The following MGAM variants were observed in gnomAD, a reference collection of about 807,000 sequenced individuals.
MGAM encodes the protein maltase-glucoamylase.
MGAM carries 253 observed loss-of-function variants against 358.8 expected under a neutral mutation model. That is an observed-to-expected ratio of 0.71 (90% confidence interval 0.64 to 0.78). MGAM has a LOEUF of 0.78. Among genes scored for constraint, MGAM ranks in the 30% least tolerant of loss-of-function variants. The pLI is 0.00. For synonymous variants in MGAM, 1,105 were observed against 1,227.1 expected, an observed-to-expected ratio of 0.90 and a Z score of 2.08; for missense variants, 3,080 against 3,432.6, an observed-to-expected ratio of 0.90 and a Z score of 2.57.
intron 30 of MGAM, 119 bp downstream of exon 30, chr7:142,057,061 A>G: frequency 1.1e-6 from 1 of 875,840 alleles, no homozygotes; most frequent in Non-Finnish European, 1.7e-6. Flanking sequence ...TCTTGGAGAG[A>G]GATTATAGAA....
At chr7:142,025,442 G>C (rs1378999469) in intron 8 of MGAM, among the ~76,000 whole-genome samples, 1 of 152,114 alleles carries the variant, frequency 6.6e-6, no homozygotes, top group Admixed American at 6.6e-5. Context: ...CTCTGAGATA[G>C]TTTCCACCAA....
At position 142,103,318 on chromosome 7, in the gene MGAM, A is replaced by G; in HGVS notation, c.8063A>G (p.Asn2688Ser). The G allele has an allele frequency of 6.2e-7, 1 of 1,613,036 alleles. No homozygotes were observed. Among genetic ancestry groups the G allele is most frequent in the Non-Finnish European group, 8.5e-7 (1 of 1,179,488 alleles). ...TTCAACAATTACATCACTGGTACAA[A>G]TCCTTTGAAACTGGGCTACATTGAA... ...IIFNNYITGT[N>S]PLKLGYIEIW... is the part of the protein sequence containing the mutation. Residue 2688 changes from asparagine (N) to serine (S), a missense_variant, in exon 70 of 71, where the codon AAT becomes AGT. By Grantham distance (46) the Asn-to-Ser change is conservative. Transcript: ENST00000475668.
At chr7:142,076,323 A>G (rs56332480) in intron 46 of MGAM, 71 bp downstream of exon 46, 49,799 of 1,293,062 alleles carry the variant, frequency 0.039, 6,290 homozygotes, top group African/African-American at 0.12. Flanking sequence ...GTGCTTGTGT[A>G]TATGTGTGAT....
intron 3 of MGAM, among the ~76,000 whole-genome samples, chr7:142,018,355 C>T (rs578186398): frequency 6.6e-6 from 1 of 152,304 alleles, no homozygotes; most frequent in East Asian, 1.9e-4. Flanking sequence ...TGACAACTTG[C>T]CTCTCCCAGA....
chr7:142,019,821 C>A (rs963941758), intron 4 of MGAM, among the ~76,000 whole-genome samples: 1 of 152,150 alleles, frequency 6.6e-6, no homozygotes, highest in Non-Finnish European at 1.5e-5. Context: ...GTAATCACAG[C>A]ACTTTGGGAG....
At chr7:141,993,316 C>A (rs554191520), upstream of MGAM, among the ~76,000 whole-genome samples, 3 of 152,256 alleles carry the variant, frequency 2.0e-5, no homozygotes, top group South Asian at 4.1e-4. Context: ...TCCAATATAT[C>A]ACAGACTGTG....
chr7:142,051,003 A>G (rs944071649), intron 24 of MGAM, 139 bp downstream of exon 24: 33 of 1,085,566 alleles, frequency 3.0e-5, no homozygotes, highest in Non-Finnish European at 4.2e-5. Context: ...AGGGCTGGGG[A>G]AAAAAATGAG....
Position 142,097,624 on chromosome 7 carries a change from G to C in MGAM, c.7724G>C (p.Arg2575Thr). The change falls in exon 66 of 71, where the codon AGA becomes ACA. Residue 2575 changes from arginine to threonine, a missense_variant. By Grantham distance (71) the Arg-to-Thr change is moderately conservative. Coordinates refer to ENST00000475668, the MANE Select transcript of MGAM (RefSeq NM_001365693.1). ...AGAAATGTCACTGCATATTTCCCTA[G>C]AGCCCGCTGGTATGATTACTACACG... ...NARNVTAYFPRARWYDYYTGV... is the reference protein window; with the variant it reads ...NARNVTAYFPTARWYDYYTGV... 1 of 1,612,212 alleles carries C rather than the reference G, an allele frequency of 6.2e-7. No individual in the cohort carries two copies. Among genetic ancestry groups the C allele is most frequent in the Non-Finnish European group, 8.5e-7 (1 of 1,178,530 alleles).
Position 142,094,849 on chromosome 7 carries a change from A to G in MGAM, c.7444A>G (p.Thr2482Ala), listed in dbSNP as rs749501771. Residue 2482 changes from threonine (T) to alanine (A), a missense_variant, in exon 63 of 71, where the codon ACC becomes GCC. Around this residue, in one of 5 missense-constraint regions of MGAM, gnomAD observed 932 missense variants for 1,198.2 expected, o/e 0.78. Coordinates refer to ENST00000475668, the MANE Select transcript of MGAM (RefSeq NM_001365693.1). Reference sequence around the variant, plus strand: ...TTACCCCTTCTCAAGAAACCACAACACCATTGGGACCAGGGTAGGACAGTG... The same window carrying G: ...TTACCCCTTCTCAAGAAACCACAACGCCATTGGGACCAGGGTAGGACAGTG... ...AFYPFSRNHN[T>A]IGTRRQDPVS... 4 of 1,613,814 alleles carry G rather than the reference A, an allele frequency of 2.5e-6. No homozygotes were observed. The highest frequency in any genetic ancestry group is 3.4e-6 in the Non-Finnish European group (4 of 1,179,876).
chr7:142,058,414 T>A, intron 31 of MGAM, 86 bp downstream of exon 31: 1 of 1,583,674 alleles, frequency 6.3e-7, no homozygotes, highest in Non-Finnish European at 8.6e-7. Context: ...TTTGTTGGAT[T>A]CCATAAAGAC....
chr7:142,063,616 G>T (rs1346124850), intron 36 of MGAM, 30 bp downstream of exon 36: 1 of 1,606,288 alleles, frequency 6.2e-7, no homozygotes, highest in African/African-American at 1.3e-5. Flanking sequence ...TTGACTGGCA[G>T]AGCCATGACT....
intron 45 of MGAM, among the ~76,000 whole-genome samples, chr7:142,075,589 A>C (rs1813670076): frequency 1.4e-5 from 2 of 146,592 alleles, no homozygotes; most frequent in Non-Finnish European, 3.1e-5. Flanking sequence ...ACTCAGTAGC[A>C]AAAGATCAAA....
intron 4 of MGAM, among the ~76,000 whole-genome samples, 161 bp from the exon 5 acceptor site, chr7:142,020,813 C>G (rs552691326): frequency 6.6e-6 from 1 of 151,882 alleles, no homozygotes. Flanking sequence ...AGGCTGGTCT[C>G]GAATTCCTGA....
chr7:141,994,504 C>T (rs1804092053), upstream of MGAM, among the ~76,000 whole-genome samples: 1 of 152,136 alleles, frequency 6.6e-6, no homozygotes, highest in South Asian at 2.1e-4. Context: ...GTGTGTTGGC[C>T]TCAAGACTAG....
chr7:142,033,939 C>T (rs1375860971), intron 14 of MGAM, among the ~76,000 whole-genome samples: 1 of 152,166 alleles, frequency 6.6e-6, no homozygotes, highest in Admixed American at 6.5e-5. Flanking sequence ...TCAGTATTTC[C>T]ATTCTTGGAC....
chr7:142,064,147 A>G (rs1222631301), intron 36 of MGAM, among the ~76,000 whole-genome samples: 1 of 152,216 alleles, frequency 6.6e-6, no homozygotes, highest in Non-Finnish European at 1.5e-5. Flanking sequence ...GTAGTGTTTG[A>G]CAGCTGTACG....
At position 142,041,612 on chromosome 7, in the gene MGAM, C is replaced by T. The variant is rs1377199764; in HGVS notation, c.2498+766C>T. Among the ~76,000 whole-genome samples the T allele has an allele frequency of 4.6e-5, 7 of 151,532 alleles. No homozygotes were observed. In the East Asian group the frequency reaches 7.8e-4, roughly 17 times the overall value. On this transcript the variant is annotated intron_variant, in intron 21 of 70. Transcript: ENST00000475668. Reference sequence around the variant, plus strand: ...CAAAACCAATCACAACCTGGTTTCACGTTACTTTAACAACTCTATCTCCTG... The same window carrying T: ...CAAAACCAATCACAACCTGGTTTCATGTTACTTTAACAACTCTATCTCCTG...
chr7:142,005,056 C>G (rs10237141), intron 1 of MGAM, among the ~76,000 whole-genome samples: 5,451 of 151,968 alleles, frequency 0.036, 310 homozygotes, highest in African/African-American at 0.12. Context: ...ATCTACAGAA[C>G]AAATTCTGTT....
chr7:142,099,108 C>T (rs1816212741), intron 66 of MGAM, among the ~76,000 whole-genome samples: 1 of 152,206 alleles, frequency 6.6e-6, no homozygotes, highest in African/African-American at 2.4e-5. Flanking sequence ...AGGATTTTGC[C>T]TACCAGGGGA....
Sources: allele counts gnomAD v4.1 joint callset (sites outside exome capture counted in the v4.1 genomes callset), GRCh38; gene constraint gnomAD v4.1.1; regional missense constraint gnomAD v4.1.1; transcripts MANE v1.5; gene names NCBI Gene and HGNC (gene_info 2026-07-23, HGNC 2026-07-21).